Variants in GRID2IP observed in about 807,000 individuals in gnomAD.
GRID2IP encodes the protein delphilin.
A neutral mutation model predicts 114.3 loss-of-function variants in GRID2IP; 78 were observed. The ratio of observed to expected loss-of-function variants is 0.68; its 90% confidence interval spans 0.57 to 0.82. The LOEUF (loss-of-function observed/expected upper bound fraction) is 0.82. GRID2IP is among the 40% of genes least tolerant of loss of function. The pLI, the probability that GRID2IP is intolerant of heterozygous loss-of-function variation, is 0.00. For synonymous variants in GRID2IP, 809 were observed against 724.0 expected (o/e 1.12, Z -1.89); for missense variants, 1,727 against 1,678.5 (o/e 1.03, Z -0.51).
chr7:6,512,531 G>C lies in GRID2IP; in HGVS notation c.1424-1492C>G, dbSNP rs146824610. ...AATTTTTTATTTTTTTTTTCTTTGA[G>C]ATGGAGTCTCACCGTGTTGCCCAGG... is the stretch of plus-strand genomic sequence containing the variant. On this transcript the variant is annotated intron_variant, in intron 8 of 21. Coordinates refer to ENST00000457091, the MANE Select transcript of GRID2IP (RefSeq NM_001145118.2). Among the ~76,000 whole-genome samples, 172 of 150,628 alleles carry C rather than the reference G, an allele frequency of 1.1e-3. 1 individual carries two copies. The highest frequency in any genetic ancestry group is 1.5e-3 in the Non-Finnish European group (103 of 67,708).
chr7:6,551,414 G>T lies in GRID2IP; in HGVS notation c.23C>A (p.Ala8Asp), dbSNP rs1562528075. 1 of 1,544,718 alleles carries T rather than the reference G, an allele frequency of 6.5e-7. No homozygotes were observed. Among genetic ancestry groups the T allele is most frequent in the African/African-American group, 1.4e-5 (1 of 72,556 alleles). MATTATPATNQGWPEDFG... is the reference protein window; with the variant it reads MATTATPDTNQGWPEDFG... ...GTCCTCTGGCCAGCCCTGGTTCGTG[G>T]CCGGCGTGGCAGTGGTGGCCATGCA... Residue 8 changes from alanine (A) to aspartate (D), a missense_variant, in exon 1 of 22, where the codon GCC becomes GAC. Transcript: ENST00000457091.
In GRID2IP at chr7:6,551,276, C is replaced by A. The variant is rs1779976298; in HGVS notation, c.161G>T (p.Gly54Val). The A allele has an allele frequency of 4.5e-6, 7 of 1,539,694 alleles. No individual in the cohort carries two copies. Among genetic ancestry groups the A allele is most frequent in the East Asian group, 2.4e-5 (1 of 40,850 alleles). Residue 54 changes from glycine (G) to valine (V), a missense_variant, in exon 1 of 22, where the codon GGG becomes GTG. Physicochemically the swap from Gly to Val is moderately radical, Grantham distance 109 (BLOSUM62 -3). Coordinates refer to ENST00000457091, the MANE Select transcript of GRID2IP (RefSeq NM_001145118.2). The stretch of plus-strand genomic sequence containing the variant: ...GCGGCTCAGACCGCCCACCGCCAGC[C>A]CCTCCACCTCCAGGATCTGGTCTCC... Reference protein sequence around the residue: ...RPGDQILEVEGLAVGGLSRER... With the variant: ...RPGDQILEVEVLAVGGLSRER...
rs1779784443 is a variant in GRID2IP, at chr7:6,539,757, A to C, written c.545T>G (p.Leu182Arg). 1 of 1,549,760 alleles carries C rather than the reference A, an allele frequency of 6.5e-7. No homozygotes were observed. Among genetic ancestry groups the C allele is most frequent in the Non-Finnish European group, 8.7e-7 (1 of 1,146,872 alleles). Residue 182 changes from leucine to arginine, a missense_variant, in exon 2 of 22, where the codon CTG becomes CGG. Physicochemically the swap from Leu to Arg is moderately radical, Grantham distance 102. Transcript: ENST00000457091. ...GAGTGGCCCGCAGGCCTCTCGGGGC[A>C]GCGCCAGGGTGAGAGTCCACACCAG... ...DDLVWTLTLALPREACGPLLD... is the reference protein window; with the variant it reads ...DDLVWTLTLARPREACGPLLD...
intron 1 of GRID2IP, among the ~76,000 whole-genome samples, chr7:6,547,547 C>G (rs941654825): frequency 6.6e-6 from 1 of 152,104 alleles, no homozygotes; most frequent in African/African-American, 2.4e-5. Flanking sequence ...GACCCTGTCT[C>G]AAAAACAACA....
chr7:6,514,504 C>T lies in GRID2IP; in HGVS notation c.1294G>A (p.Val432Ile), dbSNP rs908596345. Residue 432 changes from valine (V) to isoleucine (I), a missense_variant, in exon 8 of 22, where the codon GTC (valine) becomes ATC (isoleucine). Val to Ile is a conservative substitution (Grantham distance 29). Transcript: ENST00000457091. ...HRNIDTLIVD[V>I]YPVLDTPAKQ... ...GCAGGGGTGTCCAGCACAGGGTAGA[C>T]GTCAACGATGAGGGTGTCGATGTTC... The T allele has an allele frequency of 3.1e-5, 47 of 1,537,436 alleles. No homozygotes were observed. Among genetic ancestry groups the T allele is most frequent in the Non-Finnish European group, 3.8e-5 (43 of 1,139,480 alleles).
Position 6,514,233 on chromosome 7 carries a change from A to T in GRID2IP, c.1423+142T>A, listed in dbSNP as rs184761035. 9.0e-4 allele frequency: 727 copies of T among 805,172 alleles called. 18 individuals are homozygous for T. The Admixed American group carries it at 0.021, about 23-fold the overall frequency. 49.9% of individuals were successfully genotyped at this position (805,172 alleles called of 1,614,324 possible). On this transcript the variant is annotated intron_variant, in intron 8 of 21. Coordinates refer to ENST00000457091, the MANE Select transcript of GRID2IP (RefSeq NM_001145118.2). Reference sequence around the variant, plus strand: ...GTGCCATTGCACTCCAGCCTGGGGCACAAGAGTGAGACTCCATTTCAAAAC... The same window carrying T: ...GTGCCATTGCACTCCAGCCTGGGGCTCAAGAGTGAGACTCCATTTCAAAAC...
intron 1 of GRID2IP, among the ~76,000 whole-genome samples, chr7:6,540,406 C>T (rs1779795687): frequency 6.6e-6 from 1 of 151,976 alleles, no homozygotes. Context: ...GCCACCGCGG[C>T]CGGCCATATC....
chr7:6,526,198 C>G lies in GRID2IP; in HGVS notation c.919+26G>C, dbSNP rs1412798988. On this transcript the variant is annotated intron_variant, in intron 4 of 21. Coordinates refer to ENST00000457091, the MANE Select transcript of GRID2IP (RefSeq NM_001145118.2). The surrounding 1 kb of genome is among the most constrained non-coding windows in gnomAD (Gnocchi z 7.6). ...CACCCCATCCTGGGCCTTAGGGACT[C>G]TTAGGGCAACCGGCCCACCCCTCAC... is the stretch of plus-strand genomic sequence containing the variant. The G allele has an allele frequency of 1.3e-6, 2 of 1,545,838 alleles. No individual in the cohort carries two copies. Among genetic ancestry groups the G allele is most frequent in the Non-Finnish European group, 1.8e-6 (2 of 1,141,972 alleles).
Position 6,508,271 on chromosome 7 carries a change from G to GGGGTGGGGGGCTGAGCA in GRID2IP, c.2257_2258insTGCTCAGCCCCCCACCC (p.Pro753LeufsTer82). On this transcript the variant is annotated frameshift_variant, in exon 13 of 22. Coordinates refer to ENST00000457091, the MANE Select transcript of GRID2IP (RefSeq NM_001145118.2). LOFTEE classifies it high-confidence loss of function. This position sits in a 1 kb window ranked among gnomAD's most constrained non-coding sequence, Gnocchi z 5.6. The stretch of plus-strand genomic sequence containing the variant: ...GGGTGGCGGTGGTGGGGGGCTGAGC[G>GGGGTGGGGGGCTGAGCA]GGGGTGGGGGGATGTGGTCAGAGAT... 6.5e-7 allele frequency: 1 copy of GGGGTGGGGGGCTGAGCA among 1,535,486 alleles called. No individual in the cohort carries two copies.
intron 15 of GRID2IP, among the ~76,000 whole-genome samples, chr7:6,504,575 A>G (rs1786520661): frequency 6.6e-6 from 1 of 152,088 alleles, no homozygotes; most frequent in Non-Finnish European, 1.5e-5. Flanking sequence ...GCGGGGCCAG[A>G]ACCGGGAAGT....
intron 7 of GRID2IP, among the ~76,000 whole-genome samples, chr7:6,515,113 T>G (rs570473295): frequency 6.6e-6 from 1 of 152,244 alleles, no homozygotes; most frequent in South Asian, 2.1e-4. Context: ...TTTCCTCATT[T>G]GTAAAATGGG....
chr7:6,510,379 G>C lies in GRID2IP; in HGVS notation c.1675C>G (p.Leu559Val), dbSNP rs760773611. The C allele has an allele frequency of 2.2e-4, 338 of 1,542,254 alleles. No homozygotes were observed. The highest frequency in any genetic ancestry group is 2.9e-4 in the Non-Finnish European group (333 of 1,142,746). Residue 559 changes from leucine to valine, a missense_variant, in exon 11 of 22, where the codon CTT becomes GTT. Coordinates refer to ENST00000457091, the MANE Select transcript of GRID2IP (RefSeq NM_001145118.2). ...PKMMSAVYAE[L>V]ESRLNSSFKG... ...AAGCTGCTGTTCAGTCGAGACTCAA[G>C]CTCTGCATAGACGGCTGACATCTGG... is the stretch of plus-strand genomic sequence containing the variant.
chr7:6,510,556 C>G, intron 10 of GRID2IP, 53 bp downstream of exon 10: 1 of 1,404,138 alleles, frequency 7.1e-7, no homozygotes, highest in Non-Finnish European at 9.6e-7. Context: ...TCCTATGGAC[C>G]GTCCATTCCC....
At position 6,529,885 on chromosome 7, in the gene GRID2IP, TC is replaced by T. The variant is rs1469304984; in HGVS notation, c.585-3117del. ...TCTCTCTGCCAGAGTCAGGTCTAAA[TC>T]CAACCCCAAGTTCCTACCCCGCCCC... is the stretch of plus-strand genomic sequence containing the variant. On this transcript the variant is annotated intron_variant, in intron 2 of 21. Coordinates refer to ENST00000457091, the MANE Select transcript of GRID2IP (RefSeq NM_001145118.2). 2.0e-5 allele frequency among the ~76,000 whole-genome samples: 3 copies of T among 151,286 alleles called. No homozygotes were observed. The East Asian group carries it at 5.8e-4, about 29-fold the overall frequency.
chr7:6,515,392 C>T (rs557987141), intron 7 of GRID2IP, among the ~76,000 whole-genome samples: 3 of 151,314 alleles, frequency 2.0e-5, no homozygotes, highest in African/African-American at 4.9e-5. Flanking sequence ...GACTGGGAGG[C>T]GGAGGTTGTA....
In GRID2IP at chr7:6,506,681, A is replaced by ATT. The variant is rs1209965102; in HGVS notation, c.2545-776_2545-775dup. ...ATTTGTGCCCTTGTCTCACTGAGGT[A>ATT]TTTTTTTTTTTTTTTTTTTAGATAG... On this transcript the variant is annotated intron_variant, in intron 13 of 21. Coordinates refer to ENST00000457091, the MANE Select transcript of GRID2IP (RefSeq NM_001145118.2). The surrounding 1 kb of genome is among the most constrained non-coding windows in gnomAD (Gnocchi z 5.2). Among the ~76,000 whole-genome samples the ATT allele has an allele frequency of 4.5e-5, 6 of 133,990 alleles. No homozygotes were observed. Among genetic ancestry groups the ATT allele is most frequent in the South Asian group, 4.9e-4 (2 of 4,042 alleles). 87.9% of individuals were successfully genotyped at this position (133,990 alleles called of 152,430 possible). A position where few individuals can be genotyped will look rare whatever the true frequency, so the allele number is the denominator to read the frequency against.
chr7:6,504,600 G>C (rs1408254372), intron 15 of GRID2IP, among the ~76,000 whole-genome samples, 193 bp downstream of exon 15: 1 of 152,122 alleles, frequency 6.6e-6, no homozygotes, highest in Admixed American at 6.5e-5. Flanking sequence ...TAGACAGTGA[G>C]GGTGGGGCCA....
In GRID2IP at chr7:6,520,350, T is replaced by G. The variant is rs751330418; in HGVS notation, c.1268+228A>C. Among the ~76,000 whole-genome samples the G allele has an allele frequency of 6.6e-6, 1 of 151,896 alleles. No homozygotes were observed. The highest frequency in any genetic ancestry group is 2.4e-5 in the African/African-American group (1 of 41,360). The stretch of plus-strand genomic sequence containing the variant: ...GTCTGCCTCACTTCACAGAGAAGGC[T>G]GAGACTCGCCCAAGGTCACGTGACT... On this transcript the variant is annotated intron_variant, in intron 7 of 21. Coordinates refer to ENST00000457091, the MANE Select transcript of GRID2IP (RefSeq NM_001145118.2). The surrounding 1 kb of genome is among the most constrained non-coding windows in gnomAD (Gnocchi z 4.6).
At chr7:6,502,980 G>T (rs1278862775) in intron 17 of GRID2IP, 28 bp downstream of exon 17, 3 of 1,551,096 alleles carry the variant, frequency 1.9e-6, no homozygotes, top group African/African-American at 2.7e-5. Context: ...GAAGCAGATA[G>T]GGTGCCAGGA....
Sources: gnomAD v4.1 joint callset for allele counts (sites outside exome capture counted in the v4.1 genomes callset) on GRCh38, gnomAD v4.1.1 for gene constraint, Gnocchi (gnomAD v3.1) non-coding constraint, MANE v1.5 for transcripts, NCBI Gene and HGNC (gene_info 2026-07-23, HGNC 2026-07-21) for gene names.